The following DISC1 variants were observed in gnomAD, a reference collection of about 807,000 sequenced individuals.
DISC1 encodes DISC1 scaffold protein.
A neutral mutation model predicts 84.5 loss-of-function variants in DISC1; 57 were observed. The ratio of observed to expected loss-of-function variants is 0.67; its 90% CI spans 0.55 to 0.84. DISC1 has a LOEUF of 0.84. Ranked by LOEUF, DISC1 falls within the 40% of genes least tolerant of loss-of-function variation. The probability of loss-of-function intolerance (pLI) is 0.00; values close to 1 mark genes in which losing one functional copy is unlikely to be tolerated. For missense variants in DISC1, 1,000 were observed against 1,057.8 expected (o/e 0.95, Z 0.76); for synonymous variants, 411 against 415.2 (o/e 0.99, Z 0.12).
At chr1:231,981,280 G>A (rs821600) in intron 10 of DISC1, among the ~76,000 whole-genome samples, 73,637 of 152,074 alleles carry the variant, frequency 0.48, 20,889 homozygotes, top group African/African-American at 0.8. Flanking sequence ...TTTATAAAAA[G>A]TTTCATTGCT....
chr1:231,933,243 T>C, intron 9 of DISC1, among the ~76,000 whole-genome samples: 1 of 152,174 alleles, frequency 6.6e-6, no homozygotes, highest in Non-Finnish European at 1.5e-5. Context: ...AGTTGTGAAG[T>C]TAACCTAGGT....
intron 9 of DISC1, among the ~76,000 whole-genome samples, chr1:231,832,562 G>A (rs112211894): frequency 0.34 from 50,658 of 149,642 alleles, 8,941 homozygotes; most frequent in African/African-American, 0.41. Flanking sequence ...AATGGGGGCT[G>A]TCTGTGAAGC....
chr1:231,814,727 C>T (rs1428902340), intron 8 of DISC1, among the ~76,000 whole-genome samples: 1 of 152,162 alleles, frequency 6.6e-6, no homozygotes, highest in African/African-American at 2.4e-5. Flanking sequence ...GGTGCTTTCC[C>T]AGTCTTACAA....
intron 6 of DISC1, among the ~76,000 whole-genome samples, chr1:231,776,880 G>T (rs891529525): frequency 6.6e-6 from 1 of 152,138 alleles, no homozygotes; most frequent in African/African-American, 2.4e-5. Flanking sequence ...TCTCAAAGAG[G>T]GTTGCGTGGA....
At chr1:231,759,315 C>G (rs2075416185) in intron 4 of DISC1, among the ~76,000 whole-genome samples, 2 of 152,056 alleles carry the variant, frequency 1.3e-5, no homozygotes, top group Admixed American at 1.3e-4. Flanking sequence ...TCAAGATACA[C>G]TGTATGAGAC....
chr1:231,868,716 A>G (rs762992034), intron 9 of DISC1, among the ~76,000 whole-genome samples: 38 of 97,222 alleles, frequency 3.9e-4, no homozygotes, highest in Middle Eastern at 6.8e-3. Context: ...ATATATATAT[A>G]TATATATATA....
intron 9 of DISC1, among the ~76,000 whole-genome samples, chr1:231,847,087 A>G (rs1316378133): frequency 6.6e-6 from 1 of 152,152 alleles, no homozygotes; most frequent in Non-Finnish European, 1.5e-5. Context: ...CTTGGACAAC[A>G]GATGTTTATT....
chr1:231,867,971 T>A (rs961506728), intron 9 of DISC1, among the ~76,000 whole-genome samples: 2 of 152,234 alleles, frequency 1.3e-5, no homozygotes, highest in Non-Finnish European at 1.5e-5. Context: ...AGCATTCCTC[T>A]GCTAATCTTC....
At chr1:232,027,332 CCATATACA>C (rs1669574034) in intron 12 of DISC1, among the ~76,000 whole-genome samples, 1 of 152,324 alleles carries the variant, frequency 6.6e-6, no homozygotes, top group African/African-American at 2.4e-5. Flanking sequence ...CAACTTCTAA[CCATATACA>C]CATGGTTGAA....
In DISC1 at chr1:231,973,858, C is replaced by T. The variant is rs1415680150; in HGVS notation, c.2042+14970C>T. Among the ~76,000 whole-genome samples the T allele has an allele frequency of 2.0e-5, 3 of 152,104 alleles. No homozygotes were observed. In the East Asian group the frequency reaches 5.8e-4, roughly 29 times the overall value. On this transcript the variant is annotated intron_variant, in intron 10 of 12. Coordinates refer to ENST00000439617, the MANE Select transcript of DISC1 (RefSeq NM_018662.3). ...TAGATAGTACTCTATTTTCAGGGCT[C>T]AAAAGTGAAAAGCTAGAAAAGCCAG...
chr1:231,845,202 C>T (rs907293138), intron 9 of DISC1, among the ~76,000 whole-genome samples: 5 of 152,132 alleles, frequency 3.3e-5, no homozygotes, highest in African/African-American at 1.2e-4. Flanking sequence ...GTTCTCTGGC[C>T]TGGCAGGAAG....
intron 3 of DISC1, among the ~76,000 whole-genome samples, chr1:231,705,018 G>A (rs1053112377): frequency 6.6e-6 from 1 of 151,794 alleles, no homozygotes; most frequent in Admixed American, 6.6e-5. Context: ...GAATAATAAA[G>A]CTATACATAA....
At chr1:231,661,113 C>T (rs758195849) in intron 1 of DISC1, among the ~76,000 whole-genome samples, 30 of 151,928 alleles carry the variant, frequency 2.0e-4, no homozygotes, top group Non-Finnish European at 4.0e-4. Context: ...GAGAGGTCCT[C>T]AGTTAGTCTG....
intron 10 of DISC1, among the ~76,000 whole-genome samples, chr1:231,979,136 G>A (rs1663237035): frequency 6.6e-6 from 1 of 151,930 alleles, no homozygotes. Flanking sequence ...TCTAATGCCT[G>A]ACGATCTGTC....
In DISC1 at chr1:231,771,681, T is replaced by C. The variant is rs187865598; in HGVS notation, c.1634+611T>C. On this transcript the variant is annotated intron_variant, in intron 6 of 12. Transcript: ENST00000439617. ...TAATTAATAAGAGAGAAAACTGATA[T>C]TTACACTCCTGTTCATTAATTCTGA... The C allele has an allele frequency of 1.3e-5, 9 of 687,852 alleles. No individual in the cohort carries two copies. The Admixed American group carries it at 5.7e-4, about 43-fold the overall frequency. 42.6% of individuals were successfully genotyped at this position (687,852 alleles called of 1,614,324 possible).
chr1:231,737,824 T>C (rs554613494), intron 3 of DISC1, among the ~76,000 whole-genome samples: 9 of 152,294 alleles, frequency 5.9e-5, no homozygotes, highest in Admixed American at 6.5e-5. Flanking sequence ...TATCAGAACG[T>C]TTTTCTGACC....
intron 8 of DISC1, among the ~76,000 whole-genome samples, chr1:231,811,312 G>A (rs2080271260): frequency 6.6e-6 from 1 of 152,168 alleles, no homozygotes; most frequent in African/African-American, 2.4e-5. Flanking sequence ...CTTCTTGGCC[G>A]CCTCCATTGC....
intron 2 of DISC1, among the ~76,000 whole-genome samples, chr1:231,700,974 C>T (rs953445846): frequency 2.0e-5 from 3 of 152,152 alleles, no homozygotes; most frequent in African/African-American, 7.2e-5. Context: ...GTCAGTAAAT[C>T]TTTGGGTCTC....
At chr1:231,655,719 G>A (rs2061005387) in intron 1 of DISC1, among the ~76,000 whole-genome samples, 1 of 151,954 alleles carries the variant, frequency 6.6e-6, no homozygotes, top group Non-Finnish European at 1.5e-5. Flanking sequence ...ACCACCAGAA[G>A]TATATAAGCT....
Sources: allele counts gnomAD v4.1 joint callset (sites outside exome capture counted in the v4.1 genomes callset), GRCh38; gene constraint gnomAD v4.1.1; transcripts MANE v1.5; gene names NCBI Gene and HGNC (gene_info 2026-07-23, HGNC 2026-07-21).